CDH13: variants seen among roughly 807,000 people sequenced by gnomAD.
CDH13 encodes cadherin-13.
Under a neutral mutation model 63.8 loss-of-function variants are expected in CDH13, and 24 were observed. The ratio of observed to expected loss-of-function variants is 0.38; its 90% CI spans 0.27 to 0.53. The LOEUF is 0.53. CDH13 is among the 20% of genes least tolerant of loss of function. The probability of loss-of-function intolerance (pLI) is 0.85; values close to 1 mark genes in which losing one functional copy is unlikely to be tolerated. For synonymous variants in CDH13, 503 were observed against 355.3 expected, an observed-to-expected ratio of 1.42 and a Z score of -4.67; for missense variants, 1,049 against 903.1, an observed-to-expected ratio of 1.16 and a Z score of -2.07.
At chr16:82,822,732 C>A (rs1171935618) in intron 1 of CDH13, among the ~76,000 whole-genome samples, 2 of 152,350 alleles carry the variant, frequency 1.3e-5, no homozygotes, top group South Asian at 4.1e-4. Flanking sequence ...TGGGCTCAAG[C>A]CATCCTCCCA....
At chr16:82,977,722 G>T (rs935993552) in intron 2 of CDH13, among the ~76,000 whole-genome samples, 6 of 152,166 alleles carry the variant, frequency 3.9e-5, no homozygotes, top group Admixed American at 3.9e-4. Context: ...TTGGTTCTGA[G>T]GGAGCAGGGT....
At position 82,788,798 on chromosome 16, in the gene CDH13, G is replaced by A. The variant is rs1007897154; in HGVS notation, c.46-69564G>A. On this transcript the variant is annotated intron_variant, in intron 1 of 13. Transcript: ENST00000567109. ...AGATCCTGGGATGTGGAGCCCAGGTGATGTTATTTGCATCCAATTAAAGAA... is the reference window on the plus strand; with the variant it reads ...AGATCCTGGGATGTGGAGCCCAGGTAATGTTATTTGCATCCAATTAAAGAA... 2.0e-5 allele frequency among the ~76,000 whole-genome samples: 3 copies of A among 152,188 alleles called. No individual in the cohort carries two copies. The East Asian group carries it at 5.8e-4, about 29-fold the overall frequency.
chr16:82,852,356 G>C (rs1413574979), intron 1 of CDH13, among the ~76,000 whole-genome samples: 1 of 152,148 alleles, frequency 6.6e-6, no homozygotes, highest in Non-Finnish European at 1.5e-5. Flanking sequence ...GTGTCTTGTG[G>C]GGCGGTTCTC....
At chr16:82,949,215 G>A (rs765575731) in intron 2 of CDH13, among the ~76,000 whole-genome samples, 14 of 152,180 alleles carry the variant, frequency 9.2e-5, no homozygotes, top group Non-Finnish European at 1.6e-4. Context: ...CTTTCAGAGT[G>A]TCTAGGGGAG....
chr16:83,091,373 C>G (rs4782746), intron 3 of CDH13, among the ~76,000 whole-genome samples: 53,212 of 151,876 alleles, frequency 0.35, 9,573 homozygotes, highest in Middle Eastern at 0.53. Flanking sequence ...TTTTCCCATT[C>G]AATGTAGTTT....
intron 11 of CDH13, 82 bp downstream of exon 11, chr16:83,748,332 C>A: frequency 7.7e-7 from 1 of 1,298,582 alleles, no homozygotes. Flanking sequence ...TTCTGATACA[C>A]CCAGGGGTGT....
chr16:83,293,068 T>G (rs907512793), intron 5 of CDH13, among the ~76,000 whole-genome samples: 2 of 152,170 alleles, frequency 1.3e-5, no homozygotes, highest in Admixed American at 6.5e-5. Flanking sequence ...TACATTAGAT[T>G]TTATCACAAC....
chr16:82,651,462 C>G lies in CDH13; in HGVS notation c.45+24325C>G, dbSNP rs145786646. 1.7e-3 allele frequency among the ~76,000 whole-genome samples: 254 copies of G among 152,278 alleles called. 1 individual carries two copies. The highest frequency in any genetic ancestry group is 5.9e-3 in the African/African-American group (246 of 41,558). On this transcript the variant is annotated intron_variant, in intron 1 of 13. Transcript: ENST00000567109. ...TTCTTCAGCAAACAATTGGCAGAAC[C>G]ACGGTTTGAATCCAGGTCTTCTGAC...
intron 5 of CDH13, among the ~76,000 whole-genome samples, chr16:83,263,792 G>A (rs1907264254): frequency 6.6e-6 from 1 of 152,110 alleles, no homozygotes; most frequent in Non-Finnish European, 1.5e-5. Flanking sequence ...AGCCACTTAA[G>A]TTGGCTTCAC....
chr16:83,096,557 G>T lies in CDH13; in HGVS notation c.367-28828G>T, dbSNP rs112680194. The stretch of plus-strand genomic sequence containing the variant: ...GTATTTTATTGCCACCACGACTCAT[G>T]ATTTCAATTCTCAGGACTGAGTATC... On this transcript the variant is annotated intron_variant, in intron 3 of 13. Coordinates refer to ENST00000567109, the MANE Select transcript of CDH13 (RefSeq NM_001257.5). Among the ~76,000 whole-genome samples, 626 of 152,324 alleles carry T rather than the reference G, an allele frequency of 4.1e-3. 1 individual carries two copies. The highest frequency in any genetic ancestry group is 6.6e-3 in the Non-Finnish European group (449 of 68,022).
At chr16:82,766,335 G>A (rs1232374724) in intron 1 of CDH13, among the ~76,000 whole-genome samples, 1 of 152,230 alleles carries the variant, frequency 6.6e-6, no homozygotes, top group African/African-American at 2.4e-5. Context: ...AACTGTTTCT[G>A]AAGGATTGAA....
intron 6 of CDH13, among the ~76,000 whole-genome samples, chr16:83,461,523 G>A (rs556533793): frequency 1.8e-4 from 27 of 152,226 alleles, no homozygotes; most frequent in South Asian, 4.1e-4. Flanking sequence ...TGAGACCCCC[G>A]CCTTTGTTAA....
chr16:82,974,543 C>A (rs1050699915), intron 2 of CDH13, among the ~76,000 whole-genome samples: 1 of 152,038 alleles, frequency 6.6e-6, no homozygotes, highest in Non-Finnish European at 1.5e-5. Context: ...CTAGAAACTG[C>A]AAATATGTGA....
At chr16:82,899,525 C>T (rs2041386978) in intron 2 of CDH13, among the ~76,000 whole-genome samples, 1 of 152,056 alleles carries the variant, frequency 6.6e-6, no homozygotes, top group Admixed American at 6.6e-5. Flanking sequence ...ATTTTATTAT[C>T]TAGTACAAGC....
chr16:82,931,982 G>A (rs2042510948), intron 2 of CDH13, among the ~76,000 whole-genome samples: 1 of 152,112 alleles, frequency 6.6e-6, no homozygotes, highest in African/African-American at 2.4e-5. Flanking sequence ...AGCATCTTCA[G>A]AATGAAAAGG....
intron 2 of CDH13, among the ~76,000 whole-genome samples, chr16:82,936,304 C>A (rs983110585): frequency 1.3e-5 from 2 of 152,162 alleles, no homozygotes; most frequent in Admixed American, 1.3e-4. Flanking sequence ...TTCCCATGCC[C>A]TTACCATCTG....
chr16:83,061,463 A>C (rs1567792640), intron 3 of CDH13, among the ~76,000 whole-genome samples: 1 of 152,204 alleles, frequency 6.6e-6, no homozygotes, highest in Non-Finnish European at 1.5e-5. Context: ...CAATGGGATG[A>C]GTAACTGGCA....
chr16:82,939,814 C>T (rs1040523452), intron 2 of CDH13, among the ~76,000 whole-genome samples: 6 of 152,056 alleles, frequency 3.9e-5, no homozygotes, highest in African/African-American at 1.4e-4. Context: ...TATTTGTCAC[C>T]CCTTGGCTTG....
chr16:83,276,722 T>G (rs2089000675), intron 5 of CDH13, among the ~76,000 whole-genome samples: 1 of 151,840 alleles, frequency 6.6e-6, no homozygotes, highest in African/African-American at 2.4e-5. Context: ...TACAAAAAAA[T>G]TACCTTGGCA....
Sources: allele counts gnomAD v4.1 joint callset (sites outside exome capture counted in the v4.1 genomes callset), GRCh38; gene constraint gnomAD v4.1.1; transcripts MANE v1.5; gene names NCBI Gene and HGNC (gene_info 2026-07-23, HGNC 2026-07-21).